PTPRE: variants seen among roughly 807,000 people sequenced by gnomAD.
PTPRE encodes the protein receptor-type tyrosine-protein phosphatase epsilon.
A neutral mutation model predicts 102.0 loss-of-function variants in PTPRE; 51 were observed. The observed-to-expected ratio is 0.50, with a 90% CI of 0.40 to 0.63. PTPRE has a LOEUF of 0.63. Ranked by LOEUF, PTPRE falls within the 30% of genes least tolerant of loss-of-function variation. The pLI, the probability that PTPRE is intolerant of heterozygous loss-of-function variation, is 0.00. For missense variants in PTPRE, 752 were observed against 915.1 expected, an observed-to-expected ratio of 0.82 and a Z score of 2.30; for synonymous variants, 345 against 348.2, an observed-to-expected ratio of 0.99 and a Z score of 0.10.
rs758614257 is a variant in PTPRE, at chr10:128,072,142, C to A, written c.1392C>A (p.Asp464Glu). The A allele has an allele frequency of 6.2e-7, 1 of 1,613,766 alleles. No individual in the cohort carries two copies. Among genetic ancestry groups the A allele is most frequent in the South Asian group, 1.1e-5 (1 of 90,996 alleles). ...KARVIQIIPY[D>E]FNRVILSMKR... ...AAGGAAGATAATGCTTTGCAGATGA[C>A]TTCAACCGAGTGATCCTTTCCATGA... The change falls in exon 16 of 21, where the codon GAC becomes GAA. Residue 464 changes from aspartate (D) to glutamate (E), a missense_variant. Physicochemically the swap from Asp to Glu is conservative, Grantham distance 45. Transcript: ENST00000254667.
At chr10:128,036,495 A>G (rs1268794063) in intron 2 of PTPRE, among the ~76,000 whole-genome samples, 2 of 152,326 alleles carry the variant, frequency 1.3e-5, no homozygotes, top group East Asian at 1.9e-4. Flanking sequence ...ATCCCGCTTC[A>G]TAGGAGCCCA....
In PTPRE at chr10:128,070,899, C is replaced by T. The variant is rs1352511462; in HGVS notation, c.1385C>T (p.Pro462Leu). 1 of 1,613,302 alleles carries T rather than the reference C, an allele frequency of 6.2e-7. No individual in the cohort carries two copies. The highest frequency in any genetic ancestry group is 8.5e-7 in the Non-Finnish European group (1 of 1,179,250). The change falls in exon 15 of 21, where the codon CCG becomes CTG. Residue 462 changes from proline to leucine, a missense_variant and splice_region_variant. This residue lies in a region of PTPRE where 636 missense variants were observed against 824.4 expected (regional missense o/e 0.77). Transcript: ENST00000254667. This position sits in a 1 kb window ranked among gnomAD's most constrained non-coding sequence, Gnocchi z 4.8. Reference sequence around the variant, plus strand: ...AAGGCCAGGGTCATCCAGATCATCCCGTGTAAGGCACCCGTGGCGTGGCTT... The same window carrying T: ...AAGGCCAGGGTCATCCAGATCATCCTGTGTAAGGCACCCGTGGCGTGGCTT... ...MKKARVIQII[P>L]YDFNRVILSM...
At chr10:127,912,196 C>A (rs1010392189) in intron 1 of PTPRE, among the ~76,000 whole-genome samples, 1 of 152,168 alleles carries the variant, frequency 6.6e-6, no homozygotes, top group African/African-American at 2.4e-5. Flanking sequence ...GTTAACAACA[C>A]CCTGCTCACA....
chr10:128,023,958 C>T (rs1369453367), intron 2 of PTPRE, among the ~76,000 whole-genome samples: 4 of 152,116 alleles, frequency 2.6e-5, no homozygotes, highest in South Asian at 2.1e-4. Flanking sequence ...AGGATTCAAC[C>T]GGTATCTTGG....
At chr10:127,990,343 C>T (rs55686451) in intron 2 of PTPRE, among the ~76,000 whole-genome samples, 2,048 of 134,476 alleles carry the variant, frequency 0.015, 47 homozygotes, top group African/African-American at 0.054. Context: ...ACCCAGGAGG[C>T]GGAGGTTGCA....
intron 2 of PTPRE, among the ~76,000 whole-genome samples, chr10:127,993,357 T>C (rs1049839414): frequency 3.0e-4 from 46 of 152,336 alleles, no homozygotes; most frequent in African/African-American, 8.9e-4. Context: ...ATAATTTATA[T>C]GATGTGTGAC....
intron 1 of PTPRE, among the ~76,000 whole-genome samples, chr10:127,911,091 A>G (rs1261146687): frequency 6.6e-6 from 1 of 152,176 alleles, no homozygotes; most frequent in Non-Finnish European, 1.5e-5. Context: ...TGGAAAAAAA[A>G]AGAATCAATG....
chr10:128,013,397 A>C (rs947849627), intron 2 of PTPRE, among the ~76,000 whole-genome samples: 1 of 152,102 alleles, frequency 6.6e-6, no homozygotes, highest in African/African-American at 2.4e-5. Flanking sequence ...CTAGAAATGG[A>C]GGGAGAATCC....
In PTPRE at chr10:128,085,562, G is replaced by C. The variant is rs1232862052; in HGVS notation, c.*2656G>C. ...TGTGTTTTTAAACACTTTTTTAAATGAGCCTGACACCTGTGTTTCAGCATT... is the reference window on the plus strand; with the variant it reads ...TGTGTTTTTAAACACTTTTTTAAATCAGCCTGACACCTGTGTTTCAGCATT... On this transcript the variant is annotated 3_prime_UTR_variant, in exon 21 of 21. Transcript: ENST00000254667. 6.5e-6 allele frequency: 1 copy of C among 152,888 alleles called. No individual in the cohort carries two copies. Among genetic ancestry groups the C allele is most frequent in the African/African-American group, 2.4e-5 (1 of 41,418 alleles). 9.5% of individuals were successfully genotyped at this position (152,888 alleles called of 1,614,324 possible). A position where few individuals can be genotyped will look rare whatever the true frequency, so the allele number is the denominator to read the frequency against.
At chr10:128,009,473 G>A (rs935922897) in intron 2 of PTPRE, among the ~76,000 whole-genome samples, 4 of 152,198 alleles carry the variant, frequency 2.6e-5, no homozygotes, top group Non-Finnish European at 5.9e-5. Context: ...TTCAGGGCAC[G>A]GAGCTGACAT....
chr10:127,922,699 G>T (rs1380031940), intron 1 of PTPRE, among the ~76,000 whole-genome samples: 1 of 152,210 alleles, frequency 6.6e-6, no homozygotes, highest in Non-Finnish European at 1.5e-5. Context: ...GTGTGTTCCT[G>T]CCACTCTGTT....
At chr10:127,990,178 G>A (rs1852488189) in intron 2 of PTPRE, among the ~76,000 whole-genome samples, 1 of 152,070 alleles carries the variant, frequency 6.6e-6, no homozygotes, top group African/African-American at 2.4e-5. Flanking sequence ...TTAGGAGGCT[G>A]AGGTGGTTGG....
chr10:128,062,355 CAT>C (rs1252083793), intron 9 of PTPRE, among the ~76,000 whole-genome samples: 1 of 152,218 alleles, frequency 6.6e-6, no homozygotes, highest in African/African-American at 2.4e-5. Context: ...AAAGGACACA[CAT>C]GTGCACACGC....
At chr10:128,001,754 CT>C (rs1316458932) in intron 2 of PTPRE, among the ~76,000 whole-genome samples, 7 of 152,134 alleles carry the variant, frequency 4.6e-5, no homozygotes, top group African/African-American at 1.7e-4. Context: ...TGGGAAGGTT[CT>C]TAGTATTAGG....
chr10:128,056,572 C>T (rs754631927), intron 7 of PTPRE, among the ~76,000 whole-genome samples: 72 of 152,288 alleles, frequency 4.7e-4, no homozygotes, highest in Middle Eastern at 3.4e-3. Context: ...TGCCAGTGGC[C>T]CTGGGCAGCT....
At chr10:128,065,864 C>T (rs1303746925) in intron 10 of PTPRE, among the ~76,000 whole-genome samples, 2 of 152,186 alleles carry the variant, frequency 1.3e-5, no homozygotes, top group African/African-American at 4.8e-5. Flanking sequence ...AGCCTTGGGG[C>T]ATCCTAGTCA....
intron 2 of PTPRE, among the ~76,000 whole-genome samples, chr10:127,995,879 C>T (rs895306997): frequency 6.6e-6 from 1 of 151,658 alleles, no homozygotes; most frequent in Non-Finnish European, 1.5e-5. Context: ...TTGGAGACCA[C>T]CTTGAACTAA....
chr10:127,987,297 A>G lies in PTPRE; in HGVS notation c.-8+5001A>G, dbSNP rs1043702994. On this transcript the variant is annotated intron_variant, in intron 2 of 20. Coordinates refer to ENST00000254667, the MANE Select transcript of PTPRE (RefSeq NM_006504.6). ...CCGTGTTCACAGCAGACCCAGTTCA[A>G]AGTTGGAATTCTTCTAGAAATCCTT... 3.2e-6 allele frequency: 4 copies of G among 1,246,472 alleles called. No homozygotes were observed. In the Admixed American group the frequency reaches 8.5e-5, roughly 26 times the overall value. 77.2% of individuals were successfully genotyped at this position (1,246,472 alleles called of 1,614,324 possible).
At chr10:127,920,391 C>T (rs1846509832) in intron 1 of PTPRE, among the ~76,000 whole-genome samples, 1 of 152,174 alleles carries the variant, frequency 6.6e-6, no homozygotes, top group Non-Finnish European at 1.5e-5. Context: ...AGCCAGGGTA[C>T]CAGTTCCCAG....
Sources: gnomAD v4.1 joint callset for allele counts (sites outside exome capture counted in the v4.1 genomes callset) on GRCh38, gnomAD v4.1.1 for gene constraint, gnomAD v4.1.1 regional missense constraint, Gnocchi (gnomAD v3.1) non-coding constraint, MANE v1.5 for transcripts, NCBI Gene and HGNC (gene_info 2026-07-23, HGNC 2026-07-21) for gene names.